The following SLC9B2 variants were observed in gnomAD, a reference collection of about 807,000 sequenced individuals.
SLC9B2 encodes the protein sodium/hydrogen exchanger 9B2.
A neutral mutation model predicts 52.2 loss-of-function variants in SLC9B2; 39 were observed. The ratio of observed to expected loss-of-function variants is 0.75; its 90% CI spans 0.58 to 0.98. The LOEUF (loss-of-function observed/expected upper bound fraction) is 0.98, where lower values mean the gene tolerates loss of function less well. Ranked by LOEUF, SLC9B2 falls within the 50% of genes least tolerant of loss-of-function variation. The probability of loss-of-function intolerance (pLI) is 0.00; values close to 1 mark genes in which losing one functional copy is unlikely to be tolerated. For missense variants in SLC9B2, 626 were observed against 637.5 expected (o/e 0.98, Z 0.19); for synonymous variants, 214 against 227.0 (o/e 0.94, Z 0.51).
intron 10 of SLC9B2, 72 bp downstream of exon 10, chr4:103,031,628 A>C (rs949840399): frequency 9.3e-7 from 1 of 1,078,222 alleles, no homozygotes. Flanking sequence ...GAATATAAAA[A>C]GTAGACTTTA....
intron 2 of SLC9B2, 65 bp downstream of exon 2, chr4:103,067,396 A>C: frequency 2.1e-6 from 3 of 1,419,190 alleles, no homozygotes; most frequent in Non-Finnish European, 3.0e-6. Context: ...GTTTGGGGAT[A>C]GGAGAATTGG....
intron 7 of SLC9B2, among the ~76,000 whole-genome samples, chr4:103,046,817 T>C (rs1744182460): frequency 6.6e-6 from 1 of 152,060 alleles, no homozygotes; most frequent in Non-Finnish European, 1.5e-5. Flanking sequence ...TTCTACCTTC[T>C]ACCGCCCCTG....
In SLC9B2 at chr4:103,058,410, T is replaced by C. The variant is rs140470341; in HGVS notation, c.272-439A>G. Among the ~76,000 whole-genome samples the C allele has an allele frequency of 1.9e-3, 292 of 152,336 alleles. 2 individuals are homozygous for C. Among genetic ancestry groups the C allele is most frequent in the Admixed American group, 0.01 (156 of 15,300 alleles). ...GGCATCTCAAACTTTTCTTTCTTTT[T>C]GTTTTGAAACAGGGTCTCCCTCTGT... On this transcript the variant is annotated intron_variant, in intron 3 of 11. Transcript: ENST00000394785.
chr4:103,032,633 G>T (rs2110580194), intron 9 of SLC9B2, among the ~76,000 whole-genome samples: 1 of 152,202 alleles, frequency 6.6e-6, no homozygotes, highest in Non-Finnish European at 1.5e-5. Context: ...TTAGCTCTAG[G>T]TTCCTGCATC....
chr4:103,043,238 G>T, intron 9 of SLC9B2, 58 bp downstream of exon 9: 1 of 1,481,058 alleles, frequency 6.8e-7, no homozygotes, highest in Non-Finnish European at 9.0e-7. Context: ...TATCTGGAAA[G>T]CCAACTTAAT....
In SLC9B2 at chr4:103,023,267, C is replaced by T. The variant is rs1404964431; in HGVS notation, c.*3103G>A. 6.6e-6 allele frequency among the ~76,000 whole-genome samples: 1 copy of T among 152,102 alleles called. No homozygotes were observed. The highest frequency in any genetic ancestry group is 1.5e-5 in the Non-Finnish European group (1 of 68,018). Reference sequence around the variant, plus strand: ...ATTCAAGGATAATTAAGACAAGGTTCCTACCCATAGGGAGCTGATTTAATA... The same window carrying T: ...ATTCAAGGATAATTAAGACAAGGTTTCTACCCATAGGGAGCTGATTTAATA... On this transcript the variant is annotated 3_prime_UTR_variant, in exon 12 of 12. Transcript: ENST00000394785.
intron 4 of SLC9B2, among the ~76,000 whole-genome samples, chr4:103,053,734 CG>C (rs1744887307): frequency 1.3e-5 from 2 of 151,600 alleles, no homozygotes; most frequent in African/African-American, 4.9e-5. Context: ...GACCGAGTCT[CG>C]CTCTGTCACC....
chr4:103,032,732 C>T (rs1167296220), intron 9 of SLC9B2, among the ~76,000 whole-genome samples: 1 of 152,142 alleles, frequency 6.6e-6, no homozygotes, highest in Non-Finnish European at 1.5e-5. Context: ...ACCCCTGGGG[C>T]AGTTTCGTAG....
At chr4:103,031,636 TTA>T in intron 10 of SLC9B2, 62 bp downstream of exon 10, 2 of 1,206,674 alleles carry the variant, frequency 1.7e-6, no homozygotes. Context: ...AAAGTAGACT[TTA>T]TTGGTGAGTA....
At chr4:103,072,808 G>A (rs1394068063) in intron 1 of SLC9B2, among the ~76,000 whole-genome samples, 1 of 152,144 alleles carries the variant, frequency 6.6e-6, no homozygotes, top group Non-Finnish European at 1.5e-5. Context: ...GCTTGCTATG[G>A]CTTGAATGTT....
rs1289442636 is a variant in SLC9B2, at chr4:103,033,809, G to T, written c.1147-2001C>A. Among the ~76,000 whole-genome samples the T allele has an allele frequency of 2.0e-5, 3 of 152,144 alleles. No homozygotes were observed. In the South Asian group the frequency reaches 6.2e-4, roughly 32 times the overall value. On this transcript the variant is annotated intron_variant, in intron 9 of 11. Transcript: ENST00000394785. ...CAAAACACTGCTGAAAGAAATCAGA[G>T]ATGACCCAAATGGAAAAACATACCA...
downstream of SLC9B2, chr4:103,019,582 A>C: frequency 7.1e-6 from 7 of 985,480 alleles, no homozygotes; most frequent in Non-Finnish European, 8.4e-6. Flanking sequence ...GGCGGCGTTA[A>C]GAAAAATGGG....
chr4:103,049,137 G>A, intron 5 of SLC9B2, 117 bp from the exon 6 acceptor site: 2 of 1,194,036 alleles, frequency 1.7e-6, no homozygotes, highest in East Asian at 2.7e-5. Context: ...AGTTTTCAAG[G>A]TAATGAGTTG....
chr4:103,072,347 G>A (rs144820068), intron 1 of SLC9B2, among the ~76,000 whole-genome samples: 196 of 152,220 alleles, frequency 1.3e-3, no homozygotes, highest in African/African-American at 4.5e-3. Flanking sequence ...GTGAGCCACC[G>A]CACCCAGCCC....
chr4:103,051,096 AG>A (rs1336098051), intron 4 of SLC9B2, among the ~76,000 whole-genome samples: 1 of 152,036 alleles, frequency 6.6e-6, no homozygotes. Flanking sequence ...GATTTAGAGA[AG>A]GGGGAAGAGG....
intron 7 of SLC9B2, among the ~76,000 whole-genome samples, chr4:103,045,908 T>C (rs780377345): frequency 1.3e-5 from 2 of 152,176 alleles, no homozygotes; most frequent in Non-Finnish European, 2.9e-5. Context: ...TAAAGGTATA[T>C]ACCAGGAAAG....
intron 10 of SLC9B2, among the ~76,000 whole-genome samples, chr4:103,031,383 A>G (rs1389035759): frequency 1.3e-5 from 2 of 152,184 alleles, no homozygotes; most frequent in Non-Finnish European, 2.9e-5. Context: ...ACAAGGCTAG[A>G]TGAATATTCT....
In SLC9B2 at chr4:103,026,460, A is replaced by G. The variant is rs1742219020; in HGVS notation, c.1524T>C (p.Leu508=). The G allele has an allele frequency of 6.2e-7, 1 of 1,613,902 alleles. No individual in the cohort carries two copies. The highest frequency in any genetic ancestry group is 1.1e-5 in the South Asian group (1 of 91,068). Residue 508 remains leucine, a synonymous_variant, in exon 12 of 12, where the codon CTT becomes CTC. Coordinates refer to ENST00000394785, the MANE Select transcript of SLC9B2 (RefSeq NM_178833.7). ...GAAGCCTGGGGCCCAGTAAACCAATAAGCAGACTTCCAATTGGGGCTGTGA... is the reference window on the plus strand; with the variant it reads ...GAAGCCTGGGGCCCAGTAAACCAATGAGCAGACTTCCAATTGGGGCTGTGA... The part of the protein sequence containing the change: ...ILITAPIGSL[L]IGLLGPRLLQ...
chr4:103,037,172 C>T (rs116281999), intron 9 of SLC9B2, among the ~76,000 whole-genome samples: 197 of 152,134 alleles, frequency 1.3e-3, no homozygotes, highest in African/African-American at 4.0e-3. Flanking sequence ...GGGATAGGCT[C>T]GGGCTTATTA....
Sources: gnomAD v4.1 joint callset for allele counts (sites outside exome capture counted in the v4.1 genomes callset) on GRCh38, gnomAD v4.1.1 for gene constraint, MANE v1.5 for transcripts, NCBI Gene and HGNC (gene_info 2026-07-23, HGNC 2026-07-21) for gene names.